The following GHR variants were observed in gnomAD, a reference collection of about 807,000 sequenced individuals.
GHR encodes GH receptor.
In GHR, 35 loss-of-function variants were observed where a neutral mutation model predicts 67.1. That is an observed-to-expected ratio of 0.52 (90% confidence interval 0.40 to 0.69). GHR has a LOEUF of 0.69. GHR is among the 30% of genes least tolerant of loss of function. The pLI is 0.00. For missense variants in GHR, 792 were observed against 764.6 expected (o/e 1.04, Z -0.42); for synonymous variants, 272 against 269.1 (o/e 1.01, Z -0.10).
intron 3 of GHR, among the ~76,000 whole-genome samples, chr5:42,669,186 C>A (rs1756147923): frequency 6.6e-6 from 1 of 152,156 alleles, no homozygotes; most frequent in Non-Finnish European, 1.5e-5. Context: ...GCCTGCACAT[C>A]AACAGGTGTT....
intron 2 of GHR, among the ~76,000 whole-genome samples, chr5:42,599,594 C>T (rs928926872): frequency 6.6e-6 from 1 of 151,858 alleles, no homozygotes; most frequent in Non-Finnish European, 1.5e-5. Flanking sequence ...CTCCTGACCT[C>T]GTGATCCACC....
chr5:42,552,613 A>G (rs1268344494), intron 1 of GHR, among the ~76,000 whole-genome samples: 1 of 152,230 alleles, frequency 6.6e-6, no homozygotes, highest in African/African-American at 2.4e-5. Flanking sequence ...CAAACTTAAG[A>G]GATGAGCCAA....
chr5:42,643,878 G>A (rs1191100668), intron 3 of GHR, among the ~76,000 whole-genome samples: 1 of 151,982 alleles, frequency 6.6e-6, no homozygotes, highest in Non-Finnish European at 1.5e-5. Context: ...ACTTTTAGAG[G>A]TTACCAGGGC....
chr5:42,533,104 T>C (rs1040163604), intron 1 of GHR, among the ~76,000 whole-genome samples: 3 of 152,166 alleles, frequency 2.0e-5, no homozygotes, highest in Admixed American at 2.0e-4. Context: ...TTGATTATTA[T>C]CAGATTTAAT....
chr5:42,669,029 A>G (rs1228275025), intron 3 of GHR, among the ~76,000 whole-genome samples: 1 of 152,216 alleles, frequency 6.6e-6, no homozygotes, highest in East Asian at 1.9e-4. Context: ...GAGAATACAT[A>G]GAGCAAAAAT....
At chr5:42,506,048 A>T (rs1407875025) in intron 1 of GHR, among the ~76,000 whole-genome samples, 1 of 152,164 alleles carries the variant, frequency 6.6e-6, no homozygotes, top group Non-Finnish European at 1.5e-5. Flanking sequence ...GCAATAAAAC[A>T]TCAATATTTA....
Position 42,569,951 on chromosome 5 carries a change from A to G in GHR, c.70+4007A>G, listed in dbSNP as rs186650103. ...ATAATTTTTTCTGTATATTTTGAAC[A>G]TTTTTCATAAACCTATGCACACTGA... On this transcript the variant is annotated intron_variant, in intron 2 of 9. Transcript: ENST00000230882. 4.9e-3 allele frequency among the ~76,000 whole-genome samples: 750 copies of G among 152,250 alleles called. 4 individuals carry two copies. Among genetic ancestry groups the G allele is most frequent in the Middle Eastern group, 0.01 (3 of 294 alleles).
At chr5:42,663,026 C>T (rs374972088) in intron 3 of GHR, among the ~76,000 whole-genome samples, 157 of 151,918 alleles carry the variant, frequency 1.0e-3, no homozygotes, top group Middle Eastern at 0.01. Context: ...ACACATACAC[C>T]CTCCCAAGAC....
At chr5:42,431,696 T>C (rs1297913525) in intron 1 of GHR, among the ~76,000 whole-genome samples, 1 of 152,206 alleles carries the variant, frequency 6.6e-6, no homozygotes, top group African/African-American at 2.4e-5. Context: ...CATTATTATA[T>C]TCCCAATGAA....
intron 1 of GHR, among the ~76,000 whole-genome samples, chr5:42,520,861 C>G (rs1175713756): frequency 6.6e-6 from 1 of 152,172 alleles, no homozygotes; most frequent in Non-Finnish European, 1.5e-5. Context: ...CTCAGCTCAA[C>G]TGCAAGGATT....
chr5:42,614,386 T>A (rs1319575262), intron 2 of GHR, among the ~76,000 whole-genome samples: 1 of 151,694 alleles, frequency 6.6e-6, no homozygotes, highest in Non-Finnish European at 1.5e-5. Context: ...GAGAAGTGCT[T>A]CTCAAACTTT....
chr5:42,652,769 A>ATC (rs2112829143), intron 3 of GHR, among the ~76,000 whole-genome samples: 2 of 152,290 alleles, frequency 1.3e-5, no homozygotes, highest in African/African-American at 4.8e-5. Context: ...TAACAGATAA[A>ATC]GAGACTGAGG....
At chr5:42,576,137 AT>A (rs1316659767) in intron 2 of GHR, among the ~76,000 whole-genome samples, 2 of 96,598 alleles carry the variant, frequency 2.1e-5, no homozygotes, top group Admixed American at 9.2e-5. Context: ...ATAAAATAAA[AT>A]AAAATAGTAA....
At chr5:42,588,435 G>A (rs1377307503) in intron 2 of GHR, among the ~76,000 whole-genome samples, 1 of 149,546 alleles carries the variant, frequency 6.7e-6, no homozygotes, top group Non-Finnish European at 1.5e-5. Flanking sequence ...CAGGAGAATC[G>A]CTTGAACCTG....
At chr5:42,457,433 GCCAGCAGTGTT>G (rs1461800944) in intron 1 of GHR, among the ~76,000 whole-genome samples, 6 of 152,082 alleles carry the variant, frequency 3.9e-5, no homozygotes, top group African/African-American at 1.4e-4. Context: ...ACTTTAATGT[GCCAGCAGTGTT>G]CCAAGTGATT....
At chr5:42,489,254 C>G (rs1746011947) in intron 1 of GHR, among the ~76,000 whole-genome samples, 1 of 152,098 alleles carries the variant, frequency 6.6e-6, no homozygotes, top group Non-Finnish European at 1.5e-5. Flanking sequence ...CTTTTTACCT[C>G]TTACATATTT....
chr5:42,685,900 A>G (rs961061064), intron 3 of GHR, among the ~76,000 whole-genome samples: 8 of 151,838 alleles, frequency 5.3e-5, no homozygotes, highest in African/African-American at 1.4e-4. Flanking sequence ...TTGCCTGTTC[A>G]CTCTGCTGGT....
At chr5:42,559,397 A>G (rs896454147) in intron 1 of GHR, among the ~76,000 whole-genome samples, 1 of 152,088 alleles carries the variant, frequency 6.6e-6, no homozygotes. Context: ...ATAAATAAAA[A>G]TAGCTAGGTG....
chr5:42,638,123 T>A (rs1754293657), intron 3 of GHR, among the ~76,000 whole-genome samples: 1 of 152,064 alleles, frequency 6.6e-6, no homozygotes, highest in Admixed American at 6.5e-5. Context: ...TTATTTTTAG[T>A]AGAGACGGGA....
Sources: allele counts gnomAD v4.1 joint callset (sites outside exome capture counted in the v4.1 genomes callset), GRCh38; gene constraint gnomAD v4.1.1; transcripts MANE v1.5; gene names NCBI Gene and HGNC (gene_info 2026-07-23, HGNC 2026-07-21).